KIAA1217: variants seen among roughly 807,000 people sequenced by gnomAD.
KIAA1217 encodes the protein KIAA1217.
Under a neutral mutation model 163.9 loss-of-function variants are expected in KIAA1217, and 88 were observed. The ratio of observed to expected loss-of-function variants is 0.54; its 90% CI spans 0.45 to 0.64. The LOEUF is 0.64. KIAA1217 is among the 30% of genes least tolerant of loss of function. KIAA1217 has a pLI of 0.00. For missense variants in KIAA1217, 2,372 were observed against 2,475.0 expected, an observed-to-expected ratio of 0.96 and a Z score of 0.88; for synonymous variants, 903 against 923.1, an observed-to-expected ratio of 0.98 and a Z score of 0.39.
chr10:24,538,402 G>A (rs913570449), intron 17 of KIAA1217, among the ~76,000 whole-genome samples: 1 of 152,094 alleles, frequency 6.6e-6, no homozygotes, highest in African/African-American at 2.4e-5. Context: ...ACCTGGCCTG[G>A]CATGGTGGCT....
At chr10:23,872,726 A>G (rs972194434) in intron 1 of KIAA1217, among the ~76,000 whole-genome samples, 6 of 152,122 alleles carry the variant, frequency 3.9e-5, no homozygotes, top group Admixed American at 2.0e-4. Context: ...ACATCTTGGA[A>G]AAACAAGCTA....
In KIAA1217 at chr10:24,305,724, CATG is replaced by C. The variant is rs1195162649; in HGVS notation, c.355-75143_355-75141del. On this transcript the variant is annotated intron_variant, in intron 2 of 20. Coordinates refer to ENST00000376454, the MANE Select transcript of KIAA1217 (RefSeq NM_019590.5). ...TGGATGAATGGTGATGTCATTCTAG[CATG>C]AGGAGCAGGTGGGATTAGGTTGAGG... Among the ~76,000 whole-genome samples the C allele has an allele frequency of 1.1e-4, 16 of 152,260 alleles. No homozygotes were observed. The South Asian group carries it at 2.9e-3, about 28-fold the overall frequency.
intron 3 of KIAA1217, among the ~76,000 whole-genome samples, chr10:24,396,004 A>G (rs771710919): frequency 2.6e-4 from 40 of 152,294 alleles, no homozygotes; most frequent in Non-Finnish European, 2.8e-4. Flanking sequence ...TAAAAACTCA[A>G]TTAAAACTAC....
At chr10:24,149,129 T>C (rs2064479171) in intron 2 of KIAA1217, among the ~76,000 whole-genome samples, 2 of 152,188 alleles carry the variant, frequency 1.3e-5, no homozygotes, top group African/African-American at 4.8e-5. Flanking sequence ...TGACAGTTTA[T>C]AGAAAAGTAT....
At chr10:24,035,792 C>A (rs1271003716) in intron 2 of KIAA1217, among the ~76,000 whole-genome samples, 2 of 152,220 alleles carry the variant, frequency 1.3e-5, no homozygotes, top group Non-Finnish European at 1.5e-5. Context: ...ATGGAGATTT[C>A]ATGTGCTGCC....
In KIAA1217 at chr10:24,347,242, G is replaced by T. The variant is rs531577924; in HGVS notation, c.355-33627G>T. Reference sequence around the variant, plus strand: ...CACCATGAAAAGTGTGTTTTTCGTGGTCATTTTCAGGCCTCTAAGCTTGAG... The same window carrying T: ...CACCATGAAAAGTGTGTTTTTCGTGTTCATTTTCAGGCCTCTAAGCTTGAG... On this transcript the variant is annotated intron_variant, in intron 2 of 20. Transcript: ENST00000376454. Among the ~76,000 whole-genome samples the T allele has an allele frequency of 2.6e-5, 4 of 152,252 alleles. No individual in the cohort carries two copies. The South Asian group carries it at 8.3e-4, about 32-fold the overall frequency.
chr10:24,531,650 G>T (rs2073142823), intron 14 of KIAA1217, among the ~76,000 whole-genome samples, 180 bp from the exon 15 acceptor site: 1 of 152,126 alleles, frequency 6.6e-6, no homozygotes, highest in South Asian at 2.1e-4. Context: ...AGTAACTTGT[G>T]CAGGGTCTTT....
chr10:24,170,046 GA>G (rs1169433373), intron 2 of KIAA1217, among the ~76,000 whole-genome samples: 12 of 152,174 alleles, frequency 7.9e-5, no homozygotes, highest in Admixed American at 7.2e-4. Flanking sequence ...GCTAGCCATG[GA>G]AAATGTAGAT....
chr10:24,023,197 C>A (rs1564617122), intron 2 of KIAA1217, among the ~76,000 whole-genome samples: 1 of 151,628 alleles, frequency 6.6e-6, no homozygotes, highest in Non-Finnish European at 1.5e-5. Flanking sequence ...TAGTAAAATT[C>A]TTTCACGTAA....
chr10:24,103,362 A>G (rs2062493689), intron 2 of KIAA1217, among the ~76,000 whole-genome samples: 1 of 152,194 alleles, frequency 6.6e-6, no homozygotes, highest in Non-Finnish European at 1.5e-5. Context: ...CTTATTAGAT[A>G]CAAGAAAAAA....
chr10:24,189,060 C>A (rs2066584118), intron 2 of KIAA1217, among the ~76,000 whole-genome samples: 1 of 147,746 alleles, frequency 6.8e-6, no homozygotes, highest in African/African-American at 2.5e-5. Context: ...GAGCCAAGAT[C>A]ACGCCACTGC....
intron 1 of KIAA1217, among the ~76,000 whole-genome samples, chr10:23,706,692 A>G (rs1240148948): frequency 6.6e-6 from 1 of 152,138 alleles, no homozygotes; most frequent in Non-Finnish European, 1.5e-5. Flanking sequence ...TATATTCATA[A>G]GAGATATTGG....
chr10:23,961,451 T>C lies in KIAA1217; in HGVS notation c.-320-45774T>C, dbSNP rs1006168370. ...AATGATTAGAGAGCCATGAATTTAA[T>C]GGCAGCCTCTATAACTGTAGAAAAA... is the stretch of plus-strand genomic sequence containing the variant. On this transcript the variant is annotated intron_variant, in intron 1 of 18. Transcript: ENST00000376462. 2.6e-5 allele frequency among the ~76,000 whole-genome samples: 4 copies of C among 152,190 alleles called. No individual in the cohort carries two copies. In the East Asian group the frequency reaches 7.7e-4, roughly 29 times the overall value.
intron 1 of KIAA1217, among the ~76,000 whole-genome samples, chr10:23,858,420 G>C (rs925484889): frequency 2.7e-4 from 41 of 151,512 alleles, no homozygotes; most frequent in Non-Finnish European, 4.6e-4. Context: ...CACCACAACA[G>C]CATATATATA....
At chr10:24,016,604 G>A (rs1376341902) in intron 2 of KIAA1217, among the ~76,000 whole-genome samples, 1 of 152,090 alleles carries the variant, frequency 6.6e-6, no homozygotes, top group Non-Finnish European at 1.5e-5. Flanking sequence ...ATATAGTGTA[G>A]TATATTGTAG....
intron 2 of KIAA1217, among the ~76,000 whole-genome samples, chr10:24,288,366 A>G (rs1272632630): frequency 2.0e-5 from 3 of 152,184 alleles, no homozygotes; most frequent in African/African-American, 4.8e-5. Flanking sequence ...TTTCTCTTCT[A>G]CTATTTAGCG....
chr10:23,744,341 T>A (rs1209349875), intron 1 of KIAA1217, among the ~76,000 whole-genome samples: 1 of 152,100 alleles, frequency 6.6e-6, no homozygotes, highest in East Asian at 1.9e-4. Flanking sequence ...GGTCTAAAGG[T>A]CAATTTTTGC....
At chr10:23,699,792 T>A (rs1244600821) in intron 1 of KIAA1217, among the ~76,000 whole-genome samples, 1 of 152,166 alleles carries the variant, frequency 6.6e-6, no homozygotes, top group Non-Finnish European at 1.5e-5. Flanking sequence ...GCCCAGCCAT[T>A]GCTTTCTTTA....
chr10:23,707,464 G>C (rs1232170816), intron 1 of KIAA1217, among the ~76,000 whole-genome samples: 1 of 152,080 alleles, frequency 6.6e-6, no homozygotes, highest in African/African-American at 2.4e-5. Flanking sequence ...GAAGAACTGG[G>C]GGCCATTGCC....
Sources: gnomAD v4.1 joint callset for allele counts (sites outside exome capture counted in the v4.1 genomes callset) on GRCh38, gnomAD v4.1.1 for gene constraint, MANE v1.5 for transcripts, NCBI Gene and HGNC (gene_info 2026-07-23, HGNC 2026-07-21) for gene names.